Variants in MAPKAPK3 observed in about 807,000 individuals in gnomAD.
MAPKAPK3 encodes MAPK activated protein kinase 3.
Under a neutral mutation model 49.2 loss-of-function variants are expected in MAPKAPK3, and 35 were observed. That is an observed-to-expected ratio of 0.71 (90% confidence interval 0.54 to 0.94). MAPKAPK3 has a LOEUF of 0.94. MAPKAPK3 is among the 40% of genes least tolerant of loss of function. The pLI is 0.00. For synonymous variants in MAPKAPK3, 178 were observed against 188.7 expected, an observed-to-expected ratio of 0.94 and a Z score of 0.46; for missense variants, 398 against 493.1, an observed-to-expected ratio of 0.81 and a Z score of 1.83.
rs376521590 is a variant in MAPKAPK3, at chr3:50,648,360, T to G, written c.*314T>G. The G allele has an allele frequency of 2.3e-5, 5 of 218,796 alleles. No homozygotes were observed. In the Admixed American group the frequency reaches 2.7e-4, roughly 12 times the overall value. 13.6% of individuals were successfully genotyped at this position (218,796 alleles called of 1,614,324 possible). A position where few individuals can be genotyped will look rare whatever the true frequency, so the allele number is the denominator to read the frequency against. On this transcript the variant is annotated 3_prime_UTR_variant, in exon 11 of 11. Transcript: ENST00000621469. Reference sequence around the variant, plus strand: ...CCTGCCCTGGTGCATGGCCTTAGCTTTCTAGGCCACTGGGAGTTGTGGCTG... The same window carrying G: ...CCTGCCCTGGTGCATGGCCTTAGCTGTCTAGGCCACTGGGAGTTGTGGCTG...
intron 2 of MAPKAPK3, among the ~76,000 whole-genome samples, chr3:50,622,153 T>C (rs971450801): frequency 6.6e-6 from 1 of 152,190 alleles, no homozygotes; most frequent in Non-Finnish European, 1.5e-5. Context: ...ATCTCAGTGA[T>C]GCCTCAAAGC....
intron 2 of MAPKAPK3, among the ~76,000 whole-genome samples, chr3:50,634,523 T>G (rs963642692): frequency 6.6e-6 from 1 of 151,900 alleles, no homozygotes; most frequent in Admixed American, 6.6e-5. Context: ...AAGTCTTATT[T>G]TCTTGCCCAG....
chr3:50,645,813 C>T (rs773882420), intron 7 of MAPKAPK3, 28 bp downstream of exon 7: 1 of 1,606,370 alleles, frequency 6.2e-7, no homozygotes. Context: ...CCCCTGCCTC[C>T]ATCTCCTGCC....
At chr3:50,640,642 G>A (rs2033158348) in intron 3 of MAPKAPK3, 137 bp downstream of exon 3, 1 of 1,008,612 alleles carries the variant, frequency 9.9e-7, no homozygotes, top group Non-Finnish European at 1.4e-6. Flanking sequence ...GGGCAATGGA[G>A]CAGGCAGCCG....
chr3:50,617,773 T>G lies in MAPKAPK3; in HGVS notation c.208T>G (p.Cys70Gly). ...ECFHRRTGQK[C>G]ALKLLYDSPK... ...CTTCCATCGGCGCACTGGACAGAAGTGTGCCCTGAAGGTCAGTGAGCCCTC... is the reference window on the plus strand; with the variant it reads ...CTTCCATCGGCGCACTGGACAGAAGGGTGCCCTGAAGGTCAGTGAGCCCTC... Residue 70 changes from cysteine (C) to glycine (G), a missense_variant, in exon 2 of 11, where the codon TGT becomes GGT. Coordinates refer to ENST00000621469, the MANE Select transcript of MAPKAPK3 (RefSeq NM_001243925.2). The G allele has an allele frequency of 6.2e-7, 1 of 1,613,062 alleles. No homozygotes were observed. Among genetic ancestry groups the G allele is most frequent in the East Asian group, 2.2e-5 (1 of 44,862 alleles).
chr3:50,613,216 T>A (rs1289955110), upstream of MAPKAPK3, among the ~76,000 whole-genome samples: 1 of 151,922 alleles, frequency 6.6e-6, no homozygotes, highest in Non-Finnish European at 1.5e-5. Flanking sequence ...ACCCCTGGCC[T>A]TGTTGAAGGG....
At chr3:50,638,464 G>A (rs763059230) in intron 2 of MAPKAPK3, among the ~76,000 whole-genome samples, 9 of 152,164 alleles carry the variant, frequency 5.9e-5, no homozygotes, top group Non-Finnish European at 1.2e-4. Context: ...AGGGCAGCAT[G>A]AGCAAGGATC....
At chr3:50,640,295 A>G in intron 2 of MAPKAPK3, 71 bp from the exon 3 acceptor site, 2 of 1,503,666 alleles carry the variant, frequency 1.3e-6, no homozygotes, top group Non-Finnish European at 1.8e-6. Flanking sequence ...CTCAGAGCTT[A>G]TATGTTTTTG....
upstream of MAPKAPK3, among the ~76,000 whole-genome samples, chr3:50,613,462 G>C (rs1310646318): frequency 6.6e-6 from 1 of 152,174 alleles, no homozygotes; most frequent in African/African-American, 2.4e-5. Context: ...TGGGGGTAGG[G>C]GGGATGGATA....
At chr3:50,631,873 G>A (rs1042521948) in intron 2 of MAPKAPK3, among the ~76,000 whole-genome samples, 4 of 152,248 alleles carry the variant, frequency 2.6e-5, no homozygotes, top group Non-Finnish European at 5.9e-5. Context: ...CGTGCACTGA[G>A]ATTTAATCTT....
At chr3:50,633,030 AAGAC>A (rs1262930961) in intron 2 of MAPKAPK3, among the ~76,000 whole-genome samples, 1 of 152,098 alleles carries the variant, frequency 6.6e-6, no homozygotes, top group African/African-American at 2.4e-5. Flanking sequence ...GATCTCTAAG[AAGAC>A]AGACAGAGTG....
chr3:50,617,114 G>GGGGGTGGGGGGT (rs1169021139), upstream of MAPKAPK3: 1 of 107,252 alleles, frequency 9.3e-6, no homozygotes, highest in Non-Finnish European at 2.0e-5. Context: ...GGGGGGGGTG[G>GGGGGTGGGGGGT]GGAGGGGGGG....
At position 50,648,228 on chromosome 3, in the gene MAPKAPK3, G is replaced by T; in HGVS notation, c.*182G>T. 1 of 647,244 alleles carries T rather than the reference G, an allele frequency of 1.5e-6. No homozygotes were observed. The allele number at this position is 647,244 out of a possible 1,614,324, so 40.1% of individuals were successfully genotyped here. A position where few individuals can be genotyped will look rare whatever the true frequency, so the allele number is the denominator to read the frequency against. ...GACCCTAAACCTCCTTCAGATCTCT[G>T]GCCCAGGCTCAAGCCCTAGAGATGG... On this transcript the variant is annotated 3_prime_UTR_variant, in exon 11 of 11. Transcript: ENST00000621469.
At chr3:50,635,753 G>A (rs1466938011) in intron 2 of MAPKAPK3, among the ~76,000 whole-genome samples, 2 of 151,238 alleles carry the variant, frequency 1.3e-5, no homozygotes, top group Non-Finnish European at 2.9e-5. Context: ...GGTTGTGAGA[G>A]GTTTTCCCCC....
At chr3:50,613,325 G>A (rs1425496500), upstream of MAPKAPK3, among the ~76,000 whole-genome samples, 1 of 152,206 alleles carries the variant, frequency 6.6e-6, no homozygotes, top group East Asian at 1.9e-4. Flanking sequence ...TGAAACTGGG[G>A]AAAAAACGTT....
At chr3:50,627,920 A>G (rs543862777) in intron 2 of MAPKAPK3, among the ~76,000 whole-genome samples, 1 of 152,198 alleles carries the variant, frequency 6.6e-6, no homozygotes, top group Admixed American at 6.5e-5. Flanking sequence ...GCCTGTACTC[A>G]CCCAGGCCTG....
chr3:50,627,637 G>T (rs4340700), intron 2 of MAPKAPK3, among the ~76,000 whole-genome samples: 1 of 152,118 alleles, frequency 6.6e-6, no homozygotes. Flanking sequence ...GCCTAGTCTC[G>T]TGGCAGGAAC....
At chr3:50,643,107 C>T (rs1483634874) in intron 5 of MAPKAPK3, among the ~76,000 whole-genome samples, 1 of 152,144 alleles carries the variant, frequency 6.6e-6, no homozygotes, top group Non-Finnish European at 1.5e-5. Flanking sequence ...CCGCCTCGGC[C>T]TCGAAAAGTG....
chr3:50,631,788 G>C (rs2032920471), intron 2 of MAPKAPK3, among the ~76,000 whole-genome samples: 1 of 152,204 alleles, frequency 6.6e-6, no homozygotes, highest in Admixed American at 6.5e-5. Context: ...TAAGAATAGG[G>C]GTTCCCAACA....
Sources: gnomAD v4.1 joint callset for allele counts (sites outside exome capture counted in the v4.1 genomes callset) on GRCh38, gnomAD v4.1.1 for gene constraint, MANE v1.5 for transcripts, NCBI Gene and HGNC (gene_info 2026-07-23, HGNC 2026-07-21) for gene names.